Variants in GABBR2 observed in about 807,000 individuals in gnomAD.
GABBR2 encodes the protein G-protein coupled receptor 51.
A neutral mutation model predicts 105.6 loss-of-function variants in GABBR2; 23 were observed. The observed-to-expected ratio is 0.22, with a 90% CI of 0.16 to 0.31. The LOEUF is 0.31. Ranked by LOEUF, GABBR2 falls within the 10% of genes least tolerant of loss-of-function variation. GABBR2 has a pLI of 1.00. For missense variants in GABBR2, 734 were observed against 1,245.5 expected, an observed-to-expected ratio of 0.59 and a Z score of 6.18; for synonymous variants, 478 against 499.7, an observed-to-expected ratio of 0.96 and a Z score of 0.58.
intron 18 of GABBR2, among the ~76,000 whole-genome samples, chr9:98,291,321 T>A (rs1830299824): frequency 6.6e-6 from 1 of 152,178 alleles, no homozygotes; most frequent in Non-Finnish European, 1.5e-5. Context: ...AAATGGTAAG[T>A]TGGGGACTGT....
Position 98,303,292 on chromosome 9 carries a change from G to C in GABBR2, c.2361C>G (p.Arg787=). 6.2e-7 allele frequency: 1 copy of C among 1,614,206 alleles called. No individual in the cohort carries two copies. ...VTSVNQASTS[R]LEGLQSENHR... ...GGTTTTCTGACTGTAGGCCCTCCAG[G>C]CGGGATGTGCTGGCTTGGTTCACAC... is the stretch of plus-strand genomic sequence containing the variant. The change falls in exon 16 of 19, where the codon CGC becomes CGG. Residue 787 remains arginine (R), a synonymous_variant. Transcript: ENST00000259455.
At chr9:98,310,749 C>T (rs371523237) in intron 14 of GABBR2, among the ~76,000 whole-genome samples, 3 of 152,162 alleles carry the variant, frequency 2.0e-5, no homozygotes, top group Non-Finnish European at 4.4e-5. Flanking sequence ...CACTGGATGT[C>T]GGCAGACTGC....
At chr9:98,360,936 C>A (rs1389015268) in intron 13 of GABBR2, among the ~76,000 whole-genome samples, 1 of 152,186 alleles carries the variant, frequency 6.6e-6, no homozygotes, top group Non-Finnish European at 1.5e-5. Flanking sequence ...CACACTGAGC[C>A]ACTGTGCCTC....
chr9:98,424,077 C>T (rs1240933827), intron 7 of GABBR2, among the ~76,000 whole-genome samples: 3 of 152,022 alleles, frequency 2.0e-5, no homozygotes, highest in Non-Finnish European at 4.4e-5. Flanking sequence ...TACAAAAATC[C>T]TCAATAAAAT....
At chr9:98,656,261 G>A (rs1447860372) in intron 1 of GABBR2, among the ~76,000 whole-genome samples, 1 of 152,140 alleles carries the variant, frequency 6.6e-6, no homozygotes, top group Admixed American at 6.5e-5. Context: ...AGGAAGGGGT[G>A]TGGAGGAAGA....
chr9:98,391,352 G>A (rs1465819438), intron 9 of GABBR2, among the ~76,000 whole-genome samples: 3 of 152,172 alleles, frequency 2.0e-5, no homozygotes. Context: ...GGGGACAATG[G>A]TTTTCTAGGT....
chr9:98,391,520 G>A (rs1832180515), intron 9 of GABBR2, among the ~76,000 whole-genome samples: 1 of 152,202 alleles, frequency 6.6e-6, no homozygotes, highest in African/African-American at 2.4e-5. Flanking sequence ...CGAGCAGGGA[G>A]CAGAGTGCAG....
chr9:98,598,168 T>C (rs1054605137), intron 1 of GABBR2, among the ~76,000 whole-genome samples: 6 of 152,172 alleles, frequency 3.9e-5, no homozygotes, highest in African/African-American at 1.4e-4. Flanking sequence ...CTAGGCTCAT[T>C]CAATGACAAC....
intron 13 of GABBR2, among the ~76,000 whole-genome samples, chr9:98,327,295 T>G (rs1463654141): frequency 6.6e-6 from 1 of 152,102 alleles, no homozygotes; most frequent in East Asian, 1.9e-4. Flanking sequence ...GCCTCCAGTC[T>G]CCCTTTATCC....
Position 98,463,863 on chromosome 9 carries a change from T to G in GABBR2, c.999+9283A>C, listed in dbSNP as rs183085596. On this transcript the variant is annotated intron_variant, in intron 6 of 18. Coordinates refer to ENST00000259455, the MANE Select transcript of GABBR2 (RefSeq NM_005458.8). ...GTTGACCGGGCTGGTGTCCAGCTCC[T>G]GGCCTCGGGTGATCTGCCCGCCTCG... Among the ~76,000 whole-genome samples, 1,425 of 152,318 alleles carry G rather than the reference T, an allele frequency of 9.4e-3. 17 individuals carry two copies. Among genetic ancestry groups the G allele is most frequent in the African/African-American group, 0.033 (1,375 of 41,574 alleles).
At chr9:98,682,567 G>A (rs1269746693) in intron 1 of GABBR2, among the ~76,000 whole-genome samples, 1 of 151,700 alleles carries the variant, frequency 6.6e-6, no homozygotes, top group Non-Finnish European at 1.5e-5. Flanking sequence ...GTAGAGACAT[G>A]GTTTTGCCAT....
chr9:98,688,353 G>A (rs1297005651), intron 1 of GABBR2, among the ~76,000 whole-genome samples: 1 of 148,000 alleles, frequency 6.8e-6, no homozygotes, highest in Non-Finnish European at 1.5e-5. Context: ...TGACTTTTAT[G>A]ACCTATCCAA....
At chr9:98,649,588 G>A (rs866738261) in intron 1 of GABBR2, among the ~76,000 whole-genome samples, 10 of 152,106 alleles carry the variant, frequency 6.6e-5, no homozygotes, top group Admixed American at 1.3e-4. Context: ...AGAAGAATGC[G>A]TTCCTCCTCA....
chr9:98,444,177 ATG>A (rs1826080325), intron 7 of GABBR2, among the ~76,000 whole-genome samples: 1 of 152,248 alleles, frequency 6.6e-6, no homozygotes, highest in Non-Finnish European at 1.5e-5. Context: ...GGCACCTACT[ATG>A]TCCCAGGCAC....
intron 1 of GABBR2, among the ~76,000 whole-genome samples, chr9:98,611,188 G>C (rs1262382693): frequency 6.6e-6 from 1 of 152,120 alleles, no homozygotes; most frequent in East Asian, 1.9e-4. Flanking sequence ...ATAAAGATTG[G>C]GATAAAGATC....
At chr9:98,382,172 G>A (rs1224447947) in intron 11 of GABBR2, among the ~76,000 whole-genome samples, 1 of 152,090 alleles carries the variant, frequency 6.6e-6, no homozygotes, top group Non-Finnish European at 1.5e-5. Flanking sequence ...ATGAGGAGAT[G>A]GGCAGAGTGG....
chr9:98,640,035 C>A (rs1215943417), intron 1 of GABBR2, among the ~76,000 whole-genome samples: 1 of 151,616 alleles, frequency 6.6e-6, no homozygotes, highest in Non-Finnish European at 1.5e-5. Context: ...AAAAGGGATT[C>A]TTGGCTTAAT....
intron 7 of GABBR2, among the ~76,000 whole-genome samples, chr9:98,425,255 A>G (rs1832854495): frequency 6.6e-6 from 1 of 152,156 alleles, no homozygotes; most frequent in South Asian, 2.1e-4. Flanking sequence ...AATGTAACAG[A>G]GCCGAGCCTT....
chr9:98,329,079 G>A (rs1830977321), intron 13 of GABBR2, among the ~76,000 whole-genome samples: 1 of 152,172 alleles, frequency 6.6e-6, no homozygotes, highest in Non-Finnish European at 1.5e-5. Context: ...TGCCTGGCCC[G>A]AGTGAAACCC....
Sources: allele counts gnomAD v4.1 joint callset (sites outside exome capture counted in the v4.1 genomes callset), GRCh38; gene constraint gnomAD v4.1.1; transcripts MANE v1.5; gene names NCBI Gene and HGNC (gene_info 2026-07-23, HGNC 2026-07-21).